ADAM11: variants seen among roughly 807,000 people sequenced by gnomAD.
The protein encoded by ADAM11 is ADAM metallopeptidase domain 11.
In ADAM11, 49 loss-of-function variants were observed where a neutral mutation model predicts 119.1. The observed-to-expected ratio is 0.41, with a 90% CI of 0.33 to 0.52. ADAM11 has a LOEUF of 0.52. Among genes scored for constraint, ADAM11 ranks in the 20% least tolerant of loss-of-function variants. ADAM11 has a pLI of 0.20. For missense variants in ADAM11, 777 were observed against 1,047.5 expected (o/e 0.74, Z 3.56); for synonymous variants, 364 against 408.0 (o/e 0.89, Z 1.30).
intron 26 of ADAM11, 174 bp from the exon 27 acceptor site, chr17:44,779,565 A>G (rs1598896864): frequency 1.0e-6 from 1 of 985,264 alleles, no homozygotes; most frequent in South Asian, 4.7e-5. Flanking sequence ...TGTGCGTCCC[A>G]TCTGTTTTGT....
chr17:44,759,152 C>A lies in ADAM11; in HGVS notation c.-48C>A. ...CCCCCGTCCCTGCTCCCGCCCTCCCCGCGCCGCTGGCAGCCGCAGCCCCCG... is the reference window on the plus strand; with the variant it reads ...CCCCCGTCCCTGCTCCCGCCCTCCCAGCGCCGCTGGCAGCCGCAGCCCCCG... On this transcript the variant is annotated 5_prime_UTR_variant, in exon 1 of 27. Coordinates refer to ENST00000200557, the MANE Select transcript of ADAM11 (RefSeq NM_002390.6). 1.6e-6 allele frequency: 2 copies of A among 1,260,780 alleles called. No homozygotes were observed. The highest frequency in any genetic ancestry group is 2.0e-6 in the Non-Finnish European group (2 of 1,001,010). 78.1% of individuals were successfully genotyped at this position (1,260,780 alleles called of 1,614,324 possible). A position where few individuals can be genotyped will look rare whatever the true frequency, so the allele number is the denominator to read the frequency against.
rs1189164343 is a variant in ADAM11 at position 44,759,834 on chromosome 17, C to G, written c.174C>G (p.Ser58=). Residue 58 remains serine (S), a synonymous_variant, in exon 2 of 27, where the codon TCC becomes TCG. Coordinates refer to ENST00000200557, the MANE Select transcript of ADAM11 (RefSeq NM_002390.6). ...TEPSRLVRES[S]GGEVRKQQLD... ...CCAGCCGTCTGGTTAGGGAGAGCTC[C>G]GGGGGAGAGGTCCGAAAGCAGCAGC... 7.6e-7 allele frequency: 1 copy of G among 1,314,996 alleles called. No homozygotes were observed. Among genetic ancestry groups the G allele is most frequent in the Non-Finnish European group, 9.8e-7 (1 of 1,023,754 alleles). The allele number at this position is 1,314,996 out of a possible 1,614,324, so 81.5% of individuals were successfully genotyped here. A position where few individuals can be genotyped will look rare whatever the true frequency, so the allele number is the denominator to read the frequency against.
Position 44,773,433 on chromosome 17 carries a change from T to G in ADAM11, c.992+6T>G, listed in dbSNP as rs1293701063. On this transcript the variant is annotated splice_donor_region_variant and intron_variant, in intron 11 of 26. Coordinates refer to ENST00000200557, the MANE Select transcript of ADAM11 (RefSeq NM_002390.6). The surrounding 1 kb of genome is among the most constrained non-coding windows in gnomAD (Gnocchi z 4.6). The stretch of plus-strand genomic sequence containing the variant: ...GATGCCACCCACCTCTTCTCGTGAG[T>G]CCCCCACCCTGCACCTCCTGCCAGC... 2 of 1,610,078 alleles carry G rather than the reference T, an allele frequency of 1.2e-6. No homozygotes were observed. The highest frequency in any genetic ancestry group is 1.7e-6 in the Non-Finnish European group (2 of 1,177,768).
At position 44,775,694 on chromosome 17, in the gene ADAM11, G is replaced by C; in HGVS notation, c.1485+18G>C. On this transcript the variant is annotated intron_variant, in intron 17 of 26. Transcript: ENST00000200557. This position sits in a 1 kb window ranked among gnomAD's most constrained non-coding sequence, Gnocchi z 7.5. ...GCTGCAAGGTAAGCAGGACCGGCCG[G>C]GAGGCGGGGCCAGGACGCAGGAGGA... 6.4e-7 allele frequency: 1 copy of C among 1,561,284 alleles called. No individual in the cohort carries two copies.
intron 26 of ADAM11, 35 bp downstream of exon 26, chr17:44,779,274 C>A: frequency 1.3e-6 from 2 of 1,556,852 alleles, no homozygotes; most frequent in Non-Finnish European, 1.7e-6. Flanking sequence ...AGTGTGATGC[C>A]GGCCACGTCA....
Position 44,780,094 on chromosome 17 carries a change from G to A in ADAM11, c.*340G>A. 1.6e-6 allele frequency: 1 copy of A among 645,022 alleles called. No individual in the cohort carries two copies. Among genetic ancestry groups the A allele is most frequent in the South Asian group, 1.5e-5 (1 of 66,260 alleles). 40.0% of individuals were successfully genotyped at this position (645,022 alleles called of 1,614,324 possible). On this transcript the variant is annotated 3_prime_UTR_variant, in exon 27 of 27. Coordinates refer to ENST00000200557, the MANE Select transcript of ADAM11 (RefSeq NM_002390.6). Reference sequence around the variant, plus strand: ...GGGATGCCCCCAGGCAGCCACCAGTGGACCTAGCCTGGATGGCCCCTCCTT... The same window carrying A: ...GGGATGCCCCCAGGCAGCCACCAGTAGACCTAGCCTGGATGGCCCCTCCTT...
Position 44,777,545 on chromosome 17 carries a change from G to C in ADAM11, c.1845G>C (p.Leu615=). 1 of 1,614,192 alleles carries C rather than the reference G, an allele frequency of 6.2e-7. No individual in the cohort carries two copies. The highest frequency in any genetic ancestry group is 8.5e-7 in the Non-Finnish European group (1 of 1,180,016). The change falls in exon 22 of 27, where the codon CTG becomes CTC. Residue 615 remains leucine, a synonymous_variant. Transcript: ENST00000200557. The surrounding 1 kb of genome is among the most constrained non-coding windows in gnomAD (Gnocchi z 5.1). ...CTGGAGCTCCTCGGCTAGGGGACCT[G>C]GTGGGAGACATCAGTAGTGTCACCT... ...NISGAPRLGD[L]VGDISSVTFY... is the part of the protein sequence containing the mutation.
chr17:44,759,297 T>A, intron 1 of ADAM11, 37 bp downstream of exon 1: 1 of 1,342,310 alleles, frequency 7.4e-7, no homozygotes, highest in African/African-American at 1.6e-5. Flanking sequence ...GCCCCCTCCC[T>A]GCCCCCGCCC....
intron 26 of ADAM11, chr17:44,779,508 ACTGGAGCTGCGCCC>A: frequency 1.0e-6 from 1 of 985,348 alleles, no homozygotes; most frequent in Non-Finnish European, 1.2e-6. Context: ...ACCAGGTGGA[ACTGGAGCTGCGCCC>A]CTGGCAGTCC....
chr17:44,766,158 T>TAC (rs2049447795), intron 2 of ADAM11, among the ~76,000 whole-genome samples: 1 of 151,990 alleles, frequency 6.6e-6, no homozygotes, highest in Non-Finnish European at 1.5e-5. Flanking sequence ...GAGCCCTGCA[T>TAC]GGGTTGGCAG....
intron 12 of ADAM11, 44 bp from the exon 13 acceptor site, chr17:44,774,448 G>A: frequency 6.2e-7 from 1 of 1,601,940 alleles, no homozygotes; most frequent in Non-Finnish European, 8.5e-7. Flanking sequence ...CGACGTGCCT[G>A]TTGGAAGATG....
At position 44,773,526 on chromosome 17, in the gene ADAM11, T is replaced by G. The variant is rs1598890916; in HGVS notation, c.992+99T>G. On this transcript the variant is annotated intron_variant, in intron 11 of 26. Transcript: ENST00000200557. This position sits in a 1 kb window ranked among gnomAD's most constrained non-coding sequence, Gnocchi z 4.6. ...CCTGTGCTGGCTGCTCCTCTCAGAG[T>G]CTGGGGACTGGGCTCACCTTGCACC... 6.9e-7 allele frequency: 1 copy of G among 1,441,092 alleles called. No individual in the cohort carries two copies. Among genetic ancestry groups the G allele is most frequent in the Non-Finnish European group, 9.3e-7 (1 of 1,075,966 alleles). The allele number at this position is 1,441,092 out of a possible 1,614,324, so 89.3% of individuals were successfully genotyped here. A position where few individuals can be genotyped will look rare whatever the true frequency, so the allele number is the denominator to read the frequency against.
chr17:44,780,435 AGCTGCC>A lies in ADAM11; in HGVS notation c.*682_*687del. On this transcript the variant is annotated 3_prime_UTR_variant, in exon 27 of 27. Coordinates refer to ENST00000200557, the MANE Select transcript of ADAM11 (RefSeq NM_002390.6). ...AAGTATGAGTGCTGATTCAAACCAA[AGCTGCC>A]TGTGCCATGCCCAAGGCCTAGGTTA... 3.2e-6 allele frequency: 1 copy of A among 312,432 alleles called. No homozygotes were observed. The highest frequency in any genetic ancestry group is 6.1e-6 in the Non-Finnish European group (1 of 163,070). The allele number at this position is 312,432 out of a possible 1,614,324, so 19.4% of individuals were successfully genotyped here. A position where few individuals can be genotyped will look rare whatever the true frequency, so the allele number is the denominator to read the frequency against.
At position 44,773,148 on chromosome 17, in the gene ADAM11, A is replaced by G; in HGVS notation, c.825+63A>G. ...TGCCCCCCACCCCACCACACACATT[A>G]GGGGGCACTGTCAGCCCCTGGCTCC... On this transcript the variant is annotated intron_variant, in intron 10 of 26. Transcript: ENST00000200557. The surrounding 1 kb of genome is among the most constrained non-coding windows in gnomAD (Gnocchi z 4.6). 1 of 1,580,114 alleles carries G rather than the reference A, an allele frequency of 6.3e-7. No homozygotes were observed. The highest frequency in any genetic ancestry group is 8.7e-7 in the Non-Finnish European group (1 of 1,154,362).
chr17:44,759,308 C>T, intron 1 of ADAM11, 48 bp downstream of exon 1: 1 of 1,348,568 alleles, frequency 7.4e-7, no homozygotes, highest in Non-Finnish European at 9.5e-7. Context: ...GCCCCCGCCC[C>T]GGGATGTGCG....
In ADAM11 at chr17:44,777,485, C is replaced by T. The variant is rs371225937; in HGVS notation, c.1785C>T (p.Asp595=). The T allele has an allele frequency of 2.9e-5, 46 of 1,613,944 alleles. No individual in the cohort carries two copies. The highest frequency in any genetic ancestry group is 2.5e-4 in the Admixed American group (15 of 59,990). The part of the protein sequence containing the change: ...GSGWVQCSKQ[D]VLCGFLLCVN... ...CTGTCTCTATATGCCCCAACAGGGACGTGCTGTGTGGCTTCCTCCTCTGTG... is the reference window on the plus strand; with the variant it reads ...CTGTCTCTATATGCCCCAACAGGGATGTGCTGTGTGGCTTCCTCCTCTGTG... Residue 595 remains aspartate (D), a synonymous_variant, in exon 22 of 27, where the codon GAC becomes GAT. Transcript: ENST00000200557. The surrounding 1 kb of genome is among the most constrained non-coding windows in gnomAD (Gnocchi z 5.1).
Position 44,777,758 on chromosome 17 carries a change from C to G in ADAM11, c.1965C>G (p.Cys655Trp). ...DLSYVEDGTA[C>W]GPNMLCLDHR... ...GCTATGTGGAGGATGGCACAGCCTG[C>G]GGGCCTAACATGTTGTGCCTGGACC... Residue 655 changes from cysteine (C) to tryptophan (W), a missense_variant, in exon 23 of 27, where the codon TGC becomes TGG. Cys to Trp is a radical substitution (Grantham distance 215). Around this residue, in one of 4 missense-constraint regions of ADAM11, gnomAD observed 348 missense variants for 486.7 expected, o/e 0.72. Transcript: ENST00000200557. This position sits in a 1 kb window ranked among gnomAD's most constrained non-coding sequence, Gnocchi z 5.1. The G allele has an allele frequency of 6.2e-7, 1 of 1,613,980 alleles. No individual in the cohort carries two copies. Among genetic ancestry groups the G allele is most frequent in the South Asian group, 1.1e-5 (1 of 91,088 alleles).
At chr17:44,778,927 C>T (rs1297114277) in intron 25 of ADAM11, among the ~76,000 whole-genome samples, 3 of 152,022 alleles carry the variant, frequency 2.0e-5, no homozygotes, top group African/African-American at 7.2e-5. Context: ...ATGCTTTGTG[C>T]GTGTCTAAGT....
intron 2 of ADAM11, 144 bp downstream of exon 2, chr17:44,760,041 G>A: frequency 1.2e-6 from 1 of 839,590 alleles, no homozygotes; most frequent in Non-Finnish European, 1.6e-6. Context: ...GGTGGGTGCT[G>A]GAGCCCACTG....
Sources: allele counts gnomAD v4.1 joint callset (sites outside exome capture counted in the v4.1 genomes callset), GRCh38; gene constraint gnomAD v4.1.1; regional missense constraint gnomAD v4.1.1; non-coding constraint Gnocchi (gnomAD v3.1); transcripts MANE v1.5; gene names NCBI Gene and HGNC (gene_info 2026-07-23, HGNC 2026-07-21).